FHIT: variants seen among roughly 807,000 people sequenced by gnomAD.
FHIT encodes fragile histidine triad diadenosine triphosphatase, also known as bis(5'-adenosyl)-triphosphatase.
FHIT carries 19 observed loss-of-function variants against 17.9 expected under a neutral mutation model. The ratio of observed to expected loss-of-function variants is 1.06; its 90% confidence interval spans 0.74 to 1.56. The LOEUF is 1.56. FHIT is among the 40% of genes most tolerant of loss of function. The probability of loss-of-function intolerance (pLI) is 0.00; values close to 1 mark genes in which losing one functional copy is unlikely to be tolerated. For synonymous variants in FHIT, 81 were observed against 69.7 expected (o/e 1.16, Z -0.81); for missense variants, 248 against 189.2 (o/e 1.31, Z -1.82).
At position 60,660,112 on chromosome 3, in the gene FHIT, T is replaced by C. The variant is rs75689505; in HGVS notation, c.-17-123133A>G. ...AATGTACTAGTCTTTAATGTCTGGC[T>C]CCAAACACAAAAGGGGAAAAGAAAA... On this transcript the variant is annotated intron_variant, in intron 4 of 9. Coordinates refer to ENST00000492590, the MANE Select transcript of FHIT (RefSeq NM_002012.4). 3.8e-4 allele frequency among the ~76,000 whole-genome samples: 58 copies of C among 151,954 alleles called. No individual in the cohort carries two copies. The East Asian group carries it at 0.01, about 26-fold the overall frequency.
At chr3:60,586,206 T>C (rs782541466) in intron 4 of FHIT, among the ~76,000 whole-genome samples, 18 of 151,972 alleles carry the variant, frequency 1.2e-4, no homozygotes, top group Non-Finnish European at 2.4e-4. Context: ...CTTTTACATC[T>C]ATTTCCAGAT....
At chr3:59,842,157 G>C (rs1238218833) in intron 8 of FHIT, among the ~76,000 whole-genome samples, 1 of 152,140 alleles carries the variant, frequency 6.6e-6, no homozygotes, top group Non-Finnish European at 1.5e-5. Flanking sequence ...GAATCATACA[G>C]TATTTGTCTT....
chr3:59,777,436 G>A (rs1485022873), intron 8 of FHIT, among the ~76,000 whole-genome samples: 1 of 151,658 alleles, frequency 6.6e-6, no homozygotes. Flanking sequence ...AAAGTAAATA[G>A]CACTATCATC....
chr3:59,989,520 G>T (rs1709133503), intron 7 of FHIT, among the ~76,000 whole-genome samples: 1 of 151,992 alleles, frequency 6.6e-6, no homozygotes, highest in Non-Finnish European at 1.5e-5. Context: ...CCTCACCATG[G>T]CACAGGGTCT....
chr3:60,492,482 A>G (rs2034107864), intron 5 of FHIT, among the ~76,000 whole-genome samples: 1 of 152,036 alleles, frequency 6.6e-6, no homozygotes, highest in African/African-American at 2.4e-5. Context: ...ATGTGCAATA[A>G]TCACTATTAA....
chr3:60,342,641 G>C (rs566192194), intron 5 of FHIT, among the ~76,000 whole-genome samples: 5 of 152,196 alleles, frequency 3.3e-5, no homozygotes, highest in Non-Finnish European at 5.9e-5. Flanking sequence ...AGACTTAAAA[G>C]CAACATGGAA....
At chr3:60,153,513 T>G (rs1375644836) in intron 5 of FHIT, among the ~76,000 whole-genome samples, 1 of 152,176 alleles carries the variant, frequency 6.6e-6, no homozygotes, top group Non-Finnish European at 1.5e-5. Flanking sequence ...AATATTGGTT[T>G]CTACAAAATT....
chr3:60,553,819 C>T (rs983866274), intron 4 of FHIT, among the ~76,000 whole-genome samples: 4 of 152,212 alleles, frequency 2.6e-5, no homozygotes, highest in Admixed American at 6.5e-5. Flanking sequence ...AGCACAGTGG[C>T]TCACACCTGT....
At chr3:60,009,189 G>T (rs1309957310) in intron 7 of FHIT, among the ~76,000 whole-genome samples, 1 of 145,196 alleles carries the variant, frequency 6.9e-6, no homozygotes, top group Non-Finnish European at 1.5e-5. Context: ...GTGTGTGTGT[G>T]TGTGTGTGTG....
chr3:60,200,766 C>T (rs960942869), intron 5 of FHIT, among the ~76,000 whole-genome samples: 2 of 152,106 alleles, frequency 1.3e-5, no homozygotes, highest in African/African-American at 2.4e-5. Context: ...CTACACTGCT[C>T]TTGATGATAT....
At chr3:60,960,260 C>G (rs1040925554) in intron 3 of FHIT, among the ~76,000 whole-genome samples, 3 of 152,138 alleles carry the variant, frequency 2.0e-5, no homozygotes, top group Non-Finnish European at 4.4e-5. Flanking sequence ...TGAGAGATGA[C>G]TTTCTTTCTC....
intron 5 of FHIT, among the ~76,000 whole-genome samples, chr3:60,033,724 C>T (rs1384572228): frequency 6.6e-6 from 1 of 152,114 alleles, no homozygotes; most frequent in Non-Finnish European, 1.5e-5. Flanking sequence ...GGTAAACAGG[C>T]CATCCTTTGT....
chr3:61,075,341 G>T (rs2034940297), intron 2 of FHIT, among the ~76,000 whole-genome samples: 2 of 151,892 alleles, frequency 1.3e-5, no homozygotes, highest in Non-Finnish European at 2.9e-5. Context: ...TTATTAAAAA[G>T]AATAAACATA....
intron 7 of FHIT, among the ~76,000 whole-genome samples, chr3:59,984,320 G>A (rs1278080847): frequency 1.3e-5 from 2 of 151,886 alleles, no homozygotes; most frequent in Admixed American, 6.6e-5. Flanking sequence ...AGTAAGACAG[G>A]GGAAAAAAGA....
chr3:61,172,022 A>G (rs2038019982), intron 2 of FHIT, among the ~76,000 whole-genome samples: 1 of 152,160 alleles, frequency 6.6e-6, no homozygotes, highest in Non-Finnish European at 1.5e-5. Flanking sequence ...AAGTTGCTGC[A>G]TTTTTTGCCT....
At chr3:60,732,682 TGC>T (rs374921819) in intron 4 of FHIT, 1 of 275,866 alleles carries the variant, frequency 3.6e-6, no homozygotes. Context: ...CTGCAAAGAC[TGC>T]TTTTTTTTTT....
At chr3:60,537,463 C>T (rs1246068513) in intron 4 of FHIT, 1 of 983,442 alleles carries the variant, frequency 1.0e-6, no homozygotes, top group South Asian at 4.7e-5. Flanking sequence ...TCTGACCTTG[C>T]CTACAATTAC....
intron 5 of FHIT, among the ~76,000 whole-genome samples, chr3:60,179,575 A>G (rs1701832599): frequency 6.6e-6 from 1 of 152,014 alleles, no homozygotes; most frequent in South Asian, 2.1e-4. Flanking sequence ...ATTTTTTTTT[A>G]AGAACAGGGT....
At chr3:60,558,907 C>T (rs888709685) in intron 4 of FHIT, among the ~76,000 whole-genome samples, 2 of 152,186 alleles carry the variant, frequency 1.3e-5, no homozygotes, top group Non-Finnish European at 2.9e-5. Flanking sequence ...ATGGTTCGAT[C>T]CATTTCAAGC....
Sources: allele counts gnomAD v4.1 joint callset (sites outside exome capture counted in the v4.1 genomes callset), GRCh38; gene constraint gnomAD v4.1.1; transcripts MANE v1.5; gene names NCBI Gene and HGNC (gene_info 2026-07-23, HGNC 2026-07-21).